The following GSR variants were observed in gnomAD, a reference collection of about 807,000 sequenced individuals.
GSR encodes the protein glutathione reductase, mitochondrial.
In GSR, 48 loss-of-function variants were observed where a neutral mutation model predicts 56.5. The observed-to-expected ratio is 0.85, with a 90% confidence interval of 0.67 to 1.08. The LOEUF is 1.08. Ranked by LOEUF, GSR falls within the 50% of genes least tolerant of loss-of-function variation. The pLI is 0.00. For missense variants in GSR, 694 were observed against 703.3 expected (o/e 0.99, Z 0.15); for synonymous variants, 264 against 270.8 (o/e 0.97, Z 0.25).
chr8:30,708,846 C>T (rs1804009475), intron 3 of GSR, among the ~76,000 whole-genome samples: 1 of 151,352 alleles, frequency 6.6e-6, no homozygotes, highest in African/African-American at 2.4e-5. Flanking sequence ...GTAGTCCCAG[C>T]TACTCAGGAG....
intron 1 of GSR, among the ~76,000 whole-genome samples, chr8:30,715,699 A>G (rs952498208): frequency 3.3e-5 from 5 of 152,194 alleles, no homozygotes; most frequent in African/African-American, 1.2e-4. Context: ...TTTGTCTGCT[A>G]CATAAATACT....
chr8:30,723,573 T>C (rs564772395), intron 1 of GSR, among the ~76,000 whole-genome samples: 2 of 152,140 alleles, frequency 1.3e-5, no homozygotes, highest in African/African-American at 4.8e-5. Context: ...GGTGGATCAC[T>C]TTAGGTCAGG....
intron 2 of GSR, among the ~76,000 whole-genome samples, chr8:30,711,533 G>A (rs923368717): frequency 2.0e-5 from 3 of 152,136 alleles, no homozygotes; most frequent in African/African-American, 4.8e-5. Flanking sequence ...ATCCTGTGGT[G>A]TAGATGACCA....
chr8:30,708,509 G>A (rs927247526), intron 3 of GSR, among the ~76,000 whole-genome samples: 1 of 152,174 alleles, frequency 6.6e-6, no homozygotes, highest in Non-Finnish European at 1.5e-5. Context: ...TGGCTTCAAA[G>A]GATTTACAGC....
In GSR at chr8:30,681,050, T is replaced by C. The variant is rs1338941204; in HGVS notation, c.1286-13A>G. ...TGAATGGCTTCATCTACAATGCACA[T>C]TAAAAAAAGCATCTATCAGAAAACT... On this transcript the variant is annotated splice_polypyrimidine_tract_variant and intron_variant, in intron 11 of 12. Transcript: ENST00000221130. The C allele has an allele frequency of 1.2e-6, 2 of 1,601,292 alleles. No homozygotes were observed. The highest frequency in any genetic ancestry group is 1.7e-6 in the Non-Finnish European group (2 of 1,169,532).
intron 11 of GSR, among the ~76,000 whole-genome samples, chr8:30,681,408 C>T (rs1199991888): frequency 2.0e-5 from 3 of 152,062 alleles, no homozygotes; most frequent in African/African-American, 7.2e-5. Context: ...GCCTGGTAGT[C>T]CCAGCTATTC....
Position 30,689,302 on chromosome 8 carries a change from C to T in GSR, c.900G>A (p.Lys300=). The change falls in exon 9 of 13, where the codon AAG becomes AAA. Residue 300 remains lysine (K), a synonymous_variant. Coordinates refer to ENST00000221130, the MANE Select transcript of GSR (RefSeq NM_000637.5). ...TGCTGACTTCCAAGCCCGACAAAGTCTTTTTAACCTCCTTGACCTATTGGC... is the reference window on the plus strand; with the variant it reads ...TGCTGACTTCCAAGCCCGACAAAGTTTTTTTAACCTCCTTGACCTATTGGC... ...LKFSQVKEVK[K]TLSGLEVSMV... The T allele has an allele frequency of 1.9e-6, 3 of 1,614,024 alleles. No individual in the cohort carries two copies. The highest frequency in any genetic ancestry group is 2.5e-6 in the Non-Finnish European group (3 of 1,179,898).
intron 1 of GSR, among the ~76,000 whole-genome samples, chr8:30,714,467 C>T (rs1302258056): frequency 2.6e-5 from 4 of 151,222 alleles, no homozygotes; most frequent in African/African-American, 9.7e-5. Flanking sequence ...TCCCAAAGTG[C>T]TGGGATTACA....
In GSR at chr8:30,692,981, C is replaced by A; in HGVS notation, c.870G>T (p.Leu290=). The A allele has an allele frequency of 6.2e-7, 1 of 1,609,724 alleles. No homozygotes were observed. The highest frequency in any genetic ancestry group is 1.7e-5 in the Admixed American group (1 of 59,986). ...CTTGGCACTGTACCTGGGAGAACTT[C>A]AGCACCTCCACGCCAGCGTTCTCCA... ...EELENAGVEV[L]KFSQVKEVKK... Residue 290 remains leucine, a synonymous_variant, in exon 8 of 13, where the codon CTG becomes CTT. Transcript: ENST00000221130.
chr8:30,687,788 G>A (rs1016132374), intron 9 of GSR: 5 of 152,120 alleles, frequency 3.3e-5, no homozygotes, highest in Non-Finnish European at 5.9e-5. Context: ...AATAGCAGGT[G>A]AACATTCATT....
chr8:30,688,936 A>G (rs1378400459), intron 9 of GSR, among the ~76,000 whole-genome samples: 1 of 152,138 alleles, frequency 6.6e-6, no homozygotes, highest in Non-Finnish European at 1.5e-5. Context: ...ACAAAAAGAA[A>G]AAAACAAAAA....
At position 30,679,276 on chromosome 8, in the gene GSR, T is replaced by TAAA; in HGVS notation, c.*241_*243dup. The TAAA allele has an allele frequency of 2.2e-6, 1 of 454,418 alleles. No homozygotes were observed. 28.1% of individuals were successfully genotyped at this position (454,418 alleles called of 1,614,324 possible). On this transcript the variant is annotated 3_prime_UTR_variant, in exon 13 of 13. Coordinates refer to ENST00000221130, the MANE Select transcript of GSR (RefSeq NM_000637.5). ...AAAAAAACTAGCACAGAGCTGTTAA[T>TAAA]AAAAAAAAAACTTGAAAATATTAAT...
intron 1 of GSR, among the ~76,000 whole-genome samples, chr8:30,716,673 T>G (rs556096179): frequency 6.6e-6 from 1 of 152,036 alleles, no homozygotes; most frequent in Admixed American, 6.6e-5. Flanking sequence ...CCAGGTGTGA[T>G]AGTGAAGCCT....
intron 8 of GSR, among the ~76,000 whole-genome samples, chr8:30,690,736 C>A (rs574280737): frequency 6.6e-6 from 1 of 152,158 alleles, no homozygotes; most frequent in Non-Finnish European, 1.5e-5. Context: ...CTTTGTAATT[C>A]TTTCTAACTA....
chr8:30,689,726 G>A (rs1803294293), intron 8 of GSR, among the ~76,000 whole-genome samples: 1 of 135,536 alleles, frequency 7.4e-6, no homozygotes, highest in African/African-American at 2.8e-5. Context: ...GCCTCTCCCT[G>A]GGTATATACG....
rs140415831 is a variant in GSR at position 30,725,015 on chromosome 8, T to G, written c.306+2515A>C. ...GTGATTCAGTTCCCAAGCTGAACTT[T>G]CCTTCTGGCATACTTTGGGGTTCCA... is the stretch of plus-strand genomic sequence containing the variant. On this transcript the variant is annotated intron_variant, in intron 1 of 12. Coordinates refer to ENST00000221130, the MANE Select transcript of GSR (RefSeq NM_000637.5). Among the ~76,000 whole-genome samples the G allele has an allele frequency of 8.5e-5, 13 of 152,342 alleles. No individual in the cohort carries two copies. In the East Asian group the frequency reaches 2.5e-3, roughly 29 times the overall value.
chr8:30,703,291 A>G (rs1344148383), intron 4 of GSR, 51 bp from the exon 5 acceptor site: 4 of 1,470,184 alleles, frequency 2.7e-6, no homozygotes, highest in Non-Finnish European at 3.8e-6. Context: ...AAACAAAGAC[A>G]CCTACTGCAA....
intron 1 of GSR, among the ~76,000 whole-genome samples, chr8:30,719,888 G>A (rs1002819775): frequency 6.6e-6 from 1 of 152,146 alleles, no homozygotes; most frequent in Non-Finnish European, 1.5e-5. Context: ...ATCTGCAATT[G>A]CGCCTGCCAA....
At chr8:30,686,661 C>T (rs1803171581) in intron 9 of GSR, among the ~76,000 whole-genome samples, 1 of 152,068 alleles carries the variant, frequency 6.6e-6, no homozygotes, top group East Asian at 1.9e-4. Flanking sequence ...CACCACTGTA[C>T]TCCAGCCTAG....
Sources: allele counts gnomAD v4.1 joint callset (sites outside exome capture counted in the v4.1 genomes callset), GRCh38; gene constraint gnomAD v4.1.1; transcripts MANE v1.5; gene names NCBI Gene and HGNC (gene_info 2026-07-23, HGNC 2026-07-21).